Variants in RPS6KA5 observed in about 807,000 individuals in gnomAD.
The protein encoded by RPS6KA5 is ribosomal protein S6 kinase A5.
A neutral mutation model predicts 85.5 loss-of-function variants in RPS6KA5; 27 were observed. The ratio of observed to expected loss-of-function variants is 0.32; its 90% CI spans 0.23 to 0.44. The LOEUF (loss-of-function observed/expected upper bound fraction) is 0.44. Ranked by LOEUF, RPS6KA5 falls within the 20% of genes least tolerant of loss-of-function variation. The pLI, the probability that RPS6KA5 is intolerant of heterozygous loss-of-function variation, is 1.00. For missense variants in RPS6KA5, 811 were observed against 980.9 expected (o/e 0.83, Z 2.31); for synonymous variants, 334 against 348.2 (o/e 0.96, Z 0.46).
chr14:91,051,239 AATAAAAATAAAT>A (rs1324409998), intron 1 of RPS6KA5, among the ~76,000 whole-genome samples: 2 of 122,190 alleles, frequency 1.6e-5, no homozygotes, highest in Non-Finnish European at 3.3e-5. Flanking sequence ...ACCCTGTCTA[AATAAAAATAAAT>A]AAATAAATAA....
chr14:90,942,845 TTTTC>T (rs147977483), intron 5 of RPS6KA5, among the ~76,000 whole-genome samples: 1,680 of 152,312 alleles, frequency 0.011, 42 homozygotes, highest in African/African-American at 0.038. Flanking sequence ...ATAGTGTCTT[TTTTC>T]TTTTTTAAAT....
At chr14:91,021,823 TTCTC>T (rs1011090951) in intron 1 of RPS6KA5, among the ~76,000 whole-genome samples, 2 of 152,338 alleles carry the variant, frequency 1.3e-5, no homozygotes, top group Admixed American at 6.5e-5. Flanking sequence ...TTCTTTTTCT[TTCTC>T]TCTTTCTATT....
intron 5 of RPS6KA5, among the ~76,000 whole-genome samples, chr14:90,927,690 AG>A (rs1451097840): frequency 3.3e-5 from 5 of 152,148 alleles, no homozygotes; most frequent in Non-Finnish European, 7.4e-5. Flanking sequence ...ATTTGTGAAA[AG>A]CTTTAAAAAT....
At chr14:91,055,400 T>C (rs993729822) in intron 1 of RPS6KA5, among the ~76,000 whole-genome samples, 4 of 152,178 alleles carry the variant, frequency 2.6e-5, no homozygotes, top group African/African-American at 7.2e-5. Flanking sequence ...AAGTGGTGAA[T>C]GCATAAACAA....
In RPS6KA5 at chr14:90,851,713, T is replaced by C. The variant is rs2032003360; in HGVS notation, c.*20361A>G. The C allele has an allele frequency of 6.6e-6, 1 of 152,244 alleles. No homozygotes were observed. Among genetic ancestry groups the C allele is most frequent in the Non-Finnish European group, 1.5e-5 (1 of 68,054 alleles). The allele number at this position is 152,244 out of a possible 1,614,324, so 9.4% of individuals were successfully genotyped here. On this transcript the variant is annotated 3_prime_UTR_variant, in exon 17 of 17. Transcript: ENST00000614987. ...GAAGGAATTAAGTGAGCTCTTTGGG[T>C]AACCTTGTTTTCTTCTAGAGGATGA...
intron 3 of RPS6KA5, among the ~76,000 whole-genome samples, chr14:90,964,021 G>A (rs1206555603): frequency 6.6e-6 from 1 of 152,140 alleles, no homozygotes; most frequent in Non-Finnish European, 1.5e-5. Flanking sequence ...ACTGAGAGAC[G>A]TCAAGCAGTG....
chr14:91,026,711 T>G (rs1286553775), intron 1 of RPS6KA5, among the ~76,000 whole-genome samples: 3 of 152,214 alleles, frequency 2.0e-5, no homozygotes. Context: ...TTTTTCAGCT[T>G]TCCACAGTGG....
chr14:90,904,092 G>C (rs1041479944), intron 8 of RPS6KA5, among the ~76,000 whole-genome samples: 4 of 152,146 alleles, frequency 2.6e-5, no homozygotes, highest in African/African-American at 9.7e-5. Context: ...TGGGACTACA[G>C]GCGACCGCCA....
chr14:90,959,957 G>A (rs2038712625), intron 3 of RPS6KA5, among the ~76,000 whole-genome samples: 1 of 152,134 alleles, frequency 6.6e-6, no homozygotes, highest in African/African-American at 2.4e-5. Context: ...AAACCTCTGA[G>A]AACAGGTGCC....
At chr14:90,975,512 T>C (rs1198110423) in intron 3 of RPS6KA5, among the ~76,000 whole-genome samples, 1 of 152,156 alleles carries the variant, frequency 6.6e-6, no homozygotes, top group East Asian at 1.9e-4. Context: ...GGGGCACACA[T>C]GCGTAGGGGG....
chr14:90,941,159 T>C (rs1195353567), intron 5 of RPS6KA5, among the ~76,000 whole-genome samples: 1 of 152,180 alleles, frequency 6.6e-6, no homozygotes, highest in East Asian at 1.9e-4. Context: ...CTCAAAATAA[T>C]ATTTTAAAAT....
In RPS6KA5 at chr14:91,060,406, C is replaced by T; in HGVS notation, c.29G>A (p.Gly10Asp). 6.6e-7 allele frequency: 1 copy of T among 1,508,518 alleles called. No individual in the cohort carries two copies. The allele number at this position is 1,508,518 out of a possible 1,614,324, so 93.4% of individuals were successfully genotyped here. MEEEGGSSG[G>D]AAGTSADGGD... Reference sequence around the variant, plus strand: ...GCCGTCCGCGCTGGTCCCCGCGGCGCCGCCGCTGCTGCCACCCTCCTCCTC... The same window carrying T: ...GCCGTCCGCGCTGGTCCCCGCGGCGTCGCCGCTGCTGCCACCCTCCTCCTC... The change falls in exon 1 of 17, where the codon GGC becomes GAC. Residue 10 changes from glycine (G) to aspartate (D), a missense_variant. Around this residue, in one of 3 missense-constraint regions of RPS6KA5, gnomAD observed 113 missense variants for 100.0 expected, o/e 1.13. Transcript: ENST00000614987.
chr14:90,999,917 G>A (rs985212202), intron 2 of RPS6KA5, among the ~76,000 whole-genome samples: 8 of 152,108 alleles, frequency 5.3e-5, no homozygotes, highest in African/African-American at 1.4e-4. Flanking sequence ...GTAAAATCCC[G>A]CTACCACTAA....
In RPS6KA5 at chr14:90,906,300, C is replaced by A; in HGVS notation, c.807-1G>T. 6.4e-7 allele frequency: 1 copy of A among 1,571,092 alleles called. No individual in the cohort carries two copies. Among genetic ancestry groups the A allele is most frequent in the Non-Finnish European group, 8.7e-7 (1 of 1,153,562 alleles). On this transcript the variant is annotated splice_acceptor_variant, in intron 7 of 16. Transcript: ENST00000614987. LOFTEE classifies it high-confidence loss of function. ...TGGAGGCTCACTTTTTAATATTCTC[C>A]TGTAGGCAGACAAAACTTGCTGTTA... is the stretch of plus-strand genomic sequence containing the variant.
intron 3 of RPS6KA5, among the ~76,000 whole-genome samples, chr14:90,954,490 T>C (rs2038396335): frequency 6.6e-6 from 1 of 152,212 alleles, no homozygotes; most frequent in Non-Finnish European, 1.5e-5. Context: ...CTCAGCTCCC[T>C]GAAACCTCCG....
chr14:90,937,512 A>C (rs530706885), intron 5 of RPS6KA5, among the ~76,000 whole-genome samples: 5 of 152,300 alleles, frequency 3.3e-5, no homozygotes, highest in African/African-American at 1.2e-4. Context: ...GTCAAAGAGG[A>C]AGAGGTTAAA....
chr14:90,994,561 ATTTTTTT>A (rs935828871), intron 2 of RPS6KA5, among the ~76,000 whole-genome samples: 5 of 61,940 alleles, frequency 8.1e-5, no homozygotes, highest in East Asian at 5.8e-4. Flanking sequence ...GATGTTTGTG[ATTTTTTT>A]TTTTTTTTTT....
chr14:91,003,904 A>G (rs77205415), intron 1 of RPS6KA5, among the ~76,000 whole-genome samples: 2,732 of 152,296 alleles, frequency 0.018, 65 homozygotes, highest in African/African-American at 0.063. Context: ...GAATGGCAAG[A>G]TTCCAGTAAA....
At chr14:90,938,321 T>A (rs1482787079) in intron 5 of RPS6KA5, among the ~76,000 whole-genome samples, 4 of 152,236 alleles carry the variant, frequency 2.6e-5, no homozygotes, top group Non-Finnish European at 5.9e-5. Flanking sequence ...ACAGTCCCCC[T>A]CCTGGCTGCT....
Sources: gnomAD v4.1 joint callset for allele counts (sites outside exome capture counted in the v4.1 genomes callset) on GRCh38, gnomAD v4.1.1 for gene constraint, gnomAD v4.1.1 regional missense constraint, MANE v1.5 for transcripts, NCBI Gene and HGNC (gene_info 2026-07-23, HGNC 2026-07-21) for gene names.